The following DAB1 variants were observed in gnomAD, a reference collection of about 807,000 sequenced individuals.
The protein encoded by DAB1 is DAB adaptor protein 1, also known as disabled homolog 1.
Under a neutral mutation model 64.6 loss-of-function variants are expected in DAB1, and 15 were observed. That is an observed-to-expected ratio of 0.23 (90% CI 0.16 to 0.36). The LOEUF is 0.36. DAB1 is among the 10% of genes least tolerant of loss of function. The pLI is 1.00. For synonymous variants in DAB1, 235 were observed against 251.9 expected, an observed-to-expected ratio of 0.93 and a Z score of 0.64; for missense variants, 596 against 706.7, an observed-to-expected ratio of 0.84 and a Z score of 1.78.
At chr1:57,111,553 T>G (rs1655657913) in intron 4 of DAB1, among the ~76,000 whole-genome samples, 1 of 152,168 alleles carries the variant, frequency 6.6e-6, no homozygotes. Context: ...TTCATTCATG[T>G]CTTCTTCTAG....
chr1:58,359,938 C>G (rs183763145), intron 3 of DAB1, among the ~76,000 whole-genome samples: 1 of 152,170 alleles, frequency 6.6e-6, no homozygotes, highest in African/African-American at 2.4e-5. Context: ...CATCCTTCCT[C>G]GAGCTTCAGC....
intron 1 of DAB1, among the ~76,000 whole-genome samples, chr1:57,417,331 C>T (rs950269121): frequency 1.1e-4 from 17 of 152,148 alleles, no homozygotes; most frequent in African/African-American, 2.6e-4. Flanking sequence ...ATATAAATAA[C>T]GCCCACAAGC....
intron 7 of DAB1, among the ~76,000 whole-genome samples, chr1:57,506,110 G>A (rs1220888806): frequency 6.6e-6 from 1 of 152,328 alleles, no homozygotes; most frequent in Non-Finnish European, 1.5e-5. Flanking sequence ...CTTAGGGGAA[G>A]CCCTTCTTGC....
chr1:57,040,239 C>T (rs1014863799), intron 9 of DAB1, among the ~76,000 whole-genome samples: 3 of 151,926 alleles, frequency 2.0e-5, no homozygotes, highest in African/African-American at 7.3e-5. Flanking sequence ...GTGTCAGCAG[C>T]AGTAGTGGGA....
intron 4 of DAB1, among the ~76,000 whole-genome samples, chr1:58,257,073 T>C (rs550089192): frequency 1.4e-4 from 21 of 152,250 alleles, no homozygotes; most frequent in Non-Finnish European, 2.4e-4. Context: ...GAATTATGCA[T>C]TGGGCATTGT....
intron 6 of DAB1, among the ~76,000 whole-genome samples, chr1:57,672,236 A>T (rs1389385871): frequency 1.3e-5 from 2 of 152,176 alleles, no homozygotes; most frequent in Non-Finnish European, 2.9e-5. Context: ...TGTAAAATAC[A>T]CAAATGAAAT....
chr1:57,633,289 A>G (rs1476512478), intron 7 of DAB1, among the ~76,000 whole-genome samples: 1 of 152,244 alleles, frequency 6.6e-6, no homozygotes, highest in Non-Finnish European at 1.5e-5. Context: ...CATCTGAATA[A>G]CCAGAAGGGC....
chr1:57,144,885 A>C (rs545365025), intron 3 of DAB1, among the ~76,000 whole-genome samples: 2 of 152,172 alleles, frequency 1.3e-5, no homozygotes, highest in African/African-American at 4.8e-5. Context: ...AATGAATAAA[A>C]TCAACTTTTA....
chr1:57,205,563 A>T (rs1569883556), intron 2 of DAB1, among the ~76,000 whole-genome samples: 1 of 152,234 alleles, frequency 6.6e-6, no homozygotes, highest in African/African-American at 2.4e-5. Flanking sequence ...AGAGTGATTC[A>T]TCAACTACTA....
At chr1:57,003,763 T>A (rs1362123556) in intron 14 of DAB1, among the ~76,000 whole-genome samples, 1 of 152,186 alleles carries the variant, frequency 6.6e-6, no homozygotes, top group Non-Finnish European at 1.5e-5. Flanking sequence ...AGTCTTGTTT[T>A]TAAATCAATT....
intron 1 of DAB1, among the ~76,000 whole-genome samples, chr1:57,294,490 G>T (rs1186853304): frequency 4.0e-5 from 6 of 151,610 alleles, no homozygotes; most frequent in Non-Finnish European, 7.4e-5. Flanking sequence ...AAAGCATGAA[G>T]GTTTCAGCAG....
In DAB1 at chr1:58,125,452, T is replaced by G. The variant is rs548597276; in HGVS notation, n.387+25059A>C. The stretch of plus-strand genomic sequence containing the variant: ...CATATCACTTGATACTTTTTTTTTT[T>G]TTTTTCGAGACAGGATCTCCCTGTG... On this transcript the variant is annotated intron_variant and non_coding_transcript_variant, in intron 5 of 20. Coordinates refer to the DAB1 transcript ENST00000485760. 1.9e-4 allele frequency among the ~76,000 whole-genome samples: 29 copies of G among 151,900 alleles called. 2 individuals are homozygous for G. In the East Asian group the frequency reaches 5.4e-3, roughly 28 times the overall value.
intron 1 of DAB1, among the ~76,000 whole-genome samples, chr1:57,842,672 C>T (rs1241486407): frequency 6.6e-6 from 1 of 152,154 alleles, no homozygotes; most frequent in East Asian, 1.9e-4. Context: ...GGGGATGTGC[C>T]ATACTTTAAA....
At chr1:58,293,717 C>T (rs1421389626) in intron 4 of DAB1, among the ~76,000 whole-genome samples, 1 of 152,172 alleles carries the variant, frequency 6.6e-6, no homozygotes, top group Non-Finnish European at 1.5e-5. Context: ...ACAAATTCAG[C>T]AAATTGGCCA....
At chr1:57,961,707 G>A (rs761508707) in intron 5 of DAB1, among the ~76,000 whole-genome samples, 1 of 152,120 alleles carries the variant, frequency 6.6e-6, no homozygotes, top group Non-Finnish European at 1.5e-5. Flanking sequence ...GGTGGCTCAC[G>A]CCTGTAATCC....
intron 4 of DAB1, among the ~76,000 whole-genome samples, chr1:58,335,246 A>T (rs1338743297): frequency 6.6e-6 from 1 of 152,184 alleles, no homozygotes; most frequent in Non-Finnish European, 1.5e-5. Context: ...ATTTACTTGG[A>T]ATGGCTGAGA....
intron 4 of DAB1, chr1:58,228,564 A>AG: frequency 2.4e-6 from 1 of 419,508 alleles, no homozygotes; most frequent in South Asian, 2.0e-5. Context: ...TGGCAGGGGG[A>AG]GGGGGGACTC....
chr1:58,437,117 T>C (rs548217715), intron 3 of DAB1, among the ~76,000 whole-genome samples: 2 of 152,306 alleles, frequency 1.3e-5, no homozygotes, highest in South Asian at 2.1e-4. Flanking sequence ...GCCTCTCTTA[T>C]CTCATTACCA....
chr1:58,110,543 T>C (rs942641318), intron 5 of DAB1, among the ~76,000 whole-genome samples: 2 of 152,202 alleles, frequency 1.3e-5, no homozygotes, highest in Non-Finnish European at 2.9e-5. Flanking sequence ...TTTACCTCCA[T>C]CTCACAAGAA....
Sources: gnomAD v4.1 joint callset for allele counts (sites outside exome capture counted in the v4.1 genomes callset) on GRCh38, gnomAD v4.1.1 for gene constraint, MANE v1.5 for transcripts, NCBI Gene and HGNC (gene_info 2026-07-23, HGNC 2026-07-21) for gene names.